Variants in DLG2 observed in about 807,000 individuals in gnomAD.
DLG2 encodes the protein disks large homolog 2.
DLG2 carries 45 observed loss-of-function variants against 132.5 expected under a neutral mutation model. The ratio of observed to expected loss-of-function variants is 0.34; its 90% CI spans 0.27 to 0.44. The LOEUF is 0.44. DLG2 is among the 20% of genes least tolerant of loss of function. DLG2 has a pLI of 1.00. For missense variants in DLG2, 1,045 were observed against 1,196.9 expected (o/e 0.87, Z 1.87); for synonymous variants, 424 against 419.6 (o/e 1.01, Z -0.13).
In DLG2 at chr11:83,675,330, A is replaced by T. The variant is rs573240482; in HGVS notation, c.1826-42005T>A. On this transcript the variant is annotated intron_variant, in intron 18 of 27. Coordinates refer to ENST00000376104, the MANE Select transcript of DLG2 (RefSeq NM_001142699.3). The stretch of plus-strand genomic sequence containing the variant: ...CTCTATGTCTCATTCGCAAAGTGAT[A>T]TACACCATACAATTAGCAAACACAT... 1.0e-3 allele frequency among the ~76,000 whole-genome samples: 154 copies of T among 152,358 alleles called. 1 individual carries two copies. The highest frequency in any genetic ancestry group is 8.9e-3 in the South Asian group (43 of 4,830).
chr11:83,957,121 G>A (rs1396929078), intron 14 of DLG2, among the ~76,000 whole-genome samples: 5 of 152,056 alleles, frequency 3.3e-5, no homozygotes, highest in African/African-American at 4.8e-5. Flanking sequence ...TTTATGCTTG[G>A]GCAGAAATCT....
chr11:84,645,222 G>C (rs1454316308), intron 6 of DLG2, among the ~76,000 whole-genome samples: 1 of 152,070 alleles, frequency 6.6e-6, no homozygotes. Context: ...GCAAACTATT[G>C]AACGTCTCTG....
intron 19 of DLG2, among the ~76,000 whole-genome samples, chr11:83,567,729 G>A (rs1473806288): frequency 6.6e-6 from 1 of 152,154 alleles, no homozygotes; most frequent in Non-Finnish European, 1.5e-5. Context: ...GCTGTCATAA[G>A]TATAGTGAAG....
intron 3 of DLG2, among the ~76,000 whole-genome samples, chr11:85,442,590 A>G (rs1461361129): frequency 6.6e-6 from 1 of 152,126 alleles, no homozygotes; most frequent in African/African-American, 2.4e-5. Flanking sequence ...GGTCAGGTAC[A>G]ATGGCTCGTG....
At chr11:83,912,987 T>A (rs2076324392) in intron 15 of DLG2, among the ~76,000 whole-genome samples, 1 of 152,090 alleles carries the variant, frequency 6.6e-6, no homozygotes, top group South Asian at 2.1e-4. Context: ...AAGAAAGGTT[T>A]CTATCTCTAT....
chr11:85,616,311 GA>G (rs1044054737), intron 2 of DLG2, among the ~76,000 whole-genome samples: 3 of 152,014 alleles, frequency 2.0e-5, no homozygotes, highest in South Asian at 2.1e-4. Flanking sequence ...TAGTAAGGGG[GA>G]AAAAAGCATT....
At chr11:83,887,616 T>C (rs2154081904) in intron 15 of DLG2, among the ~76,000 whole-genome samples, 1 of 152,150 alleles carries the variant, frequency 6.6e-6, no homozygotes. Flanking sequence ...AGCATCATCC[T>C]GATACCAAAG....
chr11:85,423,983 T>C (rs896733597), intron 3 of DLG2, among the ~76,000 whole-genome samples: 1 of 152,156 alleles, frequency 6.6e-6, no homozygotes, highest in African/African-American at 2.4e-5. Flanking sequence ...AAAGTTCAGC[T>C]AGAGATTTCC....
chr11:83,826,852 G>T lies in DLG2; in HGVS notation c.1722+6762C>A, dbSNP rs117055345. ...GTGGCTTAGGTGAAAGGTTTCATAA[G>T]ATTTCTGATTTAAGCTGTTTCACTT... is the stretch of plus-strand genomic sequence containing the variant. On this transcript the variant is annotated intron_variant, in intron 17 of 27. Transcript: ENST00000376104. Among the ~76,000 whole-genome samples the T allele has an allele frequency of 3.3e-4, 51 of 152,294 alleles. 1 individual carries two copies. In the East Asian group the frequency reaches 9.5e-3, roughly 28 times the overall value.
chr11:84,641,319 A>G (rs1020616015), intron 6 of DLG2, among the ~76,000 whole-genome samples: 4 of 152,210 alleles, frequency 2.6e-5, no homozygotes, highest in Admixed American at 6.5e-5. Context: ...TAATTCACAT[A>G]AAGTCTTTAG....
At chr11:84,454,723 T>C (rs2099060824) in intron 7 of DLG2, among the ~76,000 whole-genome samples, 1 of 151,236 alleles carries the variant, frequency 6.6e-6, no homozygotes, top group Non-Finnish European at 1.5e-5. Flanking sequence ...GCTGAGAAAA[T>C]AAGCCAAATA....
At chr11:84,739,185 T>C (rs533208634) in intron 6 of DLG2, among the ~76,000 whole-genome samples, 1 of 152,282 alleles carries the variant, frequency 6.6e-6, no homozygotes, top group African/African-American at 2.4e-5. Context: ...TAAAAAAGAT[T>C]CATTTTATTA....
At chr11:84,766,909 T>C (rs990349205) in intron 6 of DLG2, among the ~76,000 whole-genome samples, 5 of 152,094 alleles carry the variant, frequency 3.3e-5, no homozygotes, top group Non-Finnish European at 7.4e-5. Flanking sequence ...TTGGGGACAC[T>C]TGAGATTCAA....
Position 84,812,283 on chromosome 11 carries a change from T to C in DLG2, c.358-277552A>G, listed in dbSNP as rs369417687. 7.2e-5 allele frequency among the ~76,000 whole-genome samples: 11 copies of C among 152,300 alleles called. No individual in the cohort carries two copies. The East Asian group carries it at 7.7e-4, about 11-fold the overall frequency. ...TAAATAAAATGTTACTGTAAAATAC[T>C]GGAATAATTGAACTTTATAAACTCA... On this transcript the variant is annotated intron_variant, in intron 6 of 27. Coordinates refer to ENST00000376104, the MANE Select transcript of DLG2 (RefSeq NM_001142699.3).
intron 6 of DLG2, among the ~76,000 whole-genome samples, chr11:84,701,041 C>T (rs540349761): frequency 9.2e-5 from 14 of 151,512 alleles, no homozygotes; most frequent in South Asian, 2.1e-4. Flanking sequence ...ACCAGTCACA[C>T]GGCTGGGTGA....
rs750149341 is a variant in DLG2 at position 83,633,335 on chromosome 11, A to G, written c.1826-10T>C. 2 of 1,611,598 alleles carry G rather than the reference A, an allele frequency of 1.2e-6. No homozygotes were observed. Among genetic ancestry groups the G allele is most frequent in the Non-Finnish European group, 1.7e-6 (2 of 1,178,488 alleles). On this transcript the variant is annotated splice_polypyrimidine_tract_variant and intron_variant, in intron 18 of 27. Transcript: ENST00000376104. ...TCAAATCGAGCGTAATCTGGGAATG[A>G]AAACAAAGGTAGCAAATTTTGCTCT...
intron 7 of DLG2, among the ~76,000 whole-genome samples, chr11:84,483,696 G>C (rs561057876): frequency 6.6e-6 from 1 of 152,266 alleles, no homozygotes; most frequent in African/African-American, 2.4e-5. Flanking sequence ...AGGAAAAGCA[G>C]TTAGGTACTT....
chr11:83,680,725 G>GA (rs780341501), intron 18 of DLG2, among the ~76,000 whole-genome samples: 1 of 152,180 alleles, frequency 6.6e-6, no homozygotes, highest in African/African-American at 2.4e-5. Flanking sequence ...AAGTGTTCCT[G>GA]AAAAAATATA....
intron 6 of DLG2, among the ~76,000 whole-genome samples, chr11:84,911,440 C>T (rs1000807526): frequency 1.5e-4 from 23 of 151,734 alleles, no homozygotes; most frequent in African/African-American, 4.6e-4. Flanking sequence ...ATTTTAAAAG[C>T]ATTTTATCTA....
Sources: gnomAD v4.1 joint callset for allele counts (sites outside exome capture counted in the v4.1 genomes callset) on GRCh38, gnomAD v4.1.1 for gene constraint, MANE v1.5 for transcripts, NCBI Gene and HGNC (gene_info 2026-07-23, HGNC 2026-07-21) for gene names.